Variants in TTI1 observed in about 807,000 individuals in gnomAD.
The protein encoded by TTI1 is TELO2-interacting protein 1 homolog.
A neutral mutation model predicts 85.4 loss-of-function variants in TTI1; 52 were observed. That is an observed-to-expected ratio of 0.61 (90% confidence interval 0.49 to 0.77). The LOEUF is 0.77. Ranked by LOEUF, TTI1 falls within the 30% of genes least tolerant of loss-of-function variation. TTI1 has a pLI of 0.00. For synonymous variants in TTI1, 512 were observed against 503.9 expected (o/e 1.02, Z -0.22); for missense variants, 1,173 against 1,296.0 (o/e 0.91, Z 1.46).
intron 7 of TTI1, 84 bp from the exon 8 acceptor site, chr20:37,983,723 C>T: frequency 8.0e-7 from 1 of 1,251,276 alleles, no homozygotes; most frequent in Non-Finnish European, 1.0e-6. Context: ...AGGCTGTTTA[C>T]CAGGCTATTT....
intron 1 of TTI1, among the ~76,000 whole-genome samples, chr20:38,016,937 G>A (rs552085193): frequency 3.2e-4 from 48 of 152,316 alleles, no homozygotes; most frequent in Non-Finnish European, 6.5e-4. Context: ...GCTTCTGCCT[G>A]TCTTGCCAAC....
intron 4 of TTI1, among the ~76,000 whole-genome samples, chr20:37,999,986 T>G (rs1474532347): frequency 6.6e-6 from 1 of 152,104 alleles, no homozygotes; most frequent in Non-Finnish European, 1.5e-5. Flanking sequence ...AGAAGAGACT[T>G]GAAGGGTGAC....
rs764449671 is a variant in TTI1, at chr20:37,983,148, T to G, written c.*308A>C. On this transcript the variant is annotated 3_prime_UTR_variant, in exon 8 of 8. Transcript: ENST00000373447. ...ATGCAGATGGAGGGGAACTGACCTC[T>G]TGTGTGTGTGTGTGTGTGGCCTGTG... The G allele has an allele frequency of 2.7e-5, 7 of 256,628 alleles. No individual in the cohort carries two copies. The highest frequency in any genetic ancestry group is 9.3e-5 in the African/African-American group (4 of 42,960). 15.9% of individuals were successfully genotyped at this position (256,628 alleles called of 1,614,324 possible).
intron 7 of TTI1, among the ~76,000 whole-genome samples, chr20:37,990,607 C>T (rs1433724960): frequency 6.6e-6 from 1 of 152,192 alleles, no homozygotes; most frequent in Non-Finnish European, 1.5e-5. Context: ...GAGATCATCT[C>T]CCTGGCTACT....
chr20:38,021,719 C>T lies in TTI1; in HGVS notation c.-41-7862G>A, dbSNP rs572806492. ...GCACTGGAGAGGTGGGAGATGAGATCTGTGATTGGACAGCATGAATGAACT... is the reference window on the plus strand; with the variant it reads ...GCACTGGAGAGGTGGGAGATGAGATTTGTGATTGGACAGCATGAATGAACT... On this transcript the variant is annotated intron_variant, in intron 1 of 7. Coordinates refer to ENST00000373447, the MANE Select transcript of TTI1 (RefSeq NM_001303457.2). 5.9e-5 allele frequency among the ~76,000 whole-genome samples: 9 copies of T among 152,294 alleles called. No homozygotes were observed. The South Asian group carries it at 1.7e-3, about 28-fold the overall frequency.
At chr20:38,020,028 T>C (rs1308382638) in intron 1 of TTI1, among the ~76,000 whole-genome samples, 2 of 151,954 alleles carry the variant, frequency 1.3e-5, no homozygotes, top group African/African-American at 2.4e-5. Flanking sequence ...CTAAAACTGA[T>C]AGAGAAATGC....
rs2073493271 is a variant in TTI1 at position 38,006,072 on chromosome 20, T to C, written c.2503+125A>G. 3 of 1,082,572 alleles carry C rather than the reference T, an allele frequency of 2.8e-6. No individual in the cohort carries two copies. The South Asian group carries it at 4.5e-5, about 16-fold the overall frequency. The allele number at this position is 1,082,572 out of a possible 1,614,324, so 67.1% of individuals were successfully genotyped here. ...ATTACACAAAACAGGAGAATAGCTA[T>C]GTTAGCCTGGTAAGGTTATGAGTAA... On this transcript the variant is annotated intron_variant, in intron 3 of 7. Coordinates refer to ENST00000373447, the MANE Select transcript of TTI1 (RefSeq NM_001303457.2).
intron 5 of TTI1, among the ~76,000 whole-genome samples, chr20:37,997,456 T>C (rs1056604641): frequency 6.6e-6 from 1 of 152,216 alleles, no homozygotes; most frequent in Non-Finnish European, 1.5e-5. Flanking sequence ...GCAGGGTCCC[T>C]GAAGTTGCAG....
intron 7 of TTI1, among the ~76,000 whole-genome samples, chr20:37,991,433 G>C (rs1232684925): frequency 6.6e-6 from 1 of 152,224 alleles, no homozygotes; most frequent in Non-Finnish European, 1.5e-5. Context: ...GGGATGAAAT[G>C]AATGAGCCTG....
intron 4 of TTI1, 85 bp downstream of exon 4, chr20:38,002,543 C>T (rs1051468334): frequency 5.2e-6 from 8 of 1,543,998 alleles, no homozygotes; most frequent in African/African-American, 2.7e-5. Context: ...AGGGGAGCTA[C>T]GTGCTCATCC....
In TTI1 at chr20:38,020,321, A is replaced by AT. The variant is rs1443587921; in HGVS notation, c.-41-6465_-41-6464insA. Among the ~76,000 whole-genome samples the AT allele has an allele frequency of 3.5e-3, 149 of 42,668 alleles. 1 individual carries two copies. The highest frequency in any genetic ancestry group is 0.012 in the African/African-American group (95 of 7,868). The allele number at this position is 42,668 out of a possible 152,430, so 28.0% of individuals were successfully genotyped here. A position where few individuals can be genotyped will look rare whatever the true frequency, so the allele number is the denominator to read the frequency against. ...TTGGCTACTCATATGAAAAAAAAAA[A>AT]AAATATATATATATATATATATATA... On this transcript the variant is annotated intron_variant, in intron 1 of 7. Transcript: ENST00000373447.
chr20:37,991,461 C>A (rs1328530834), intron 7 of TTI1, among the ~76,000 whole-genome samples: 1 of 152,186 alleles, frequency 6.6e-6, no homozygotes, highest in African/African-American at 2.4e-5. Context: ...CTGTGTTCGT[C>A]CAGGGTTTGA....
intron 7 of TTI1, among the ~76,000 whole-genome samples, chr20:37,985,848 T>C (rs2073183827): frequency 6.6e-6 from 1 of 152,176 alleles, no homozygotes. Flanking sequence ...TCCTGGCCTG[T>C]TCTGTGCCCA....
chr20:37,997,369 A>G (rs1253277797), intron 5 of TTI1, among the ~76,000 whole-genome samples: 1 of 152,132 alleles, frequency 6.6e-6, no homozygotes, highest in Non-Finnish European at 1.5e-5. Flanking sequence ...GCAAACACAA[A>G]TACTATGGTC....
chr20:38,003,538 AG>A (rs2073454843), intron 3 of TTI1, among the ~76,000 whole-genome samples: 1 of 152,162 alleles, frequency 6.6e-6, no homozygotes, highest in Non-Finnish European at 1.5e-5. Context: ...GGATCACCTG[AG>A]GTCAGCAGTT....
At chr20:37,996,264 TG>T in intron 7 of TTI1, 110 bp downstream of exon 7, 3 of 1,111,346 alleles carry the variant, frequency 2.7e-6, no homozygotes, top group Non-Finnish European at 4.0e-6. Context: ...TATCTTAACC[TG>T]GCAGGGTGAC....
chr20:38,005,138 T>C (rs2073477818), intron 3 of TTI1, among the ~76,000 whole-genome samples: 1 of 151,602 alleles, frequency 6.6e-6, no homozygotes, highest in Non-Finnish European at 1.5e-5. Context: ...AATCTCACAG[T>C]GGAGATCACC....
At chr20:38,001,489 G>A (rs1049757354) in intron 4 of TTI1, among the ~76,000 whole-genome samples, 3 of 152,214 alleles carry the variant, frequency 2.0e-5, no homozygotes, top group African/African-American at 7.2e-5. Context: ...TATGTTGAAT[G>A]TATCAGCCAG....
intron 7 of TTI1, among the ~76,000 whole-genome samples, chr20:37,990,555 A>G (rs2073248638): frequency 6.6e-6 from 1 of 152,244 alleles, no homozygotes; most frequent in East Asian, 1.9e-4. Flanking sequence ...TAAGAGACCC[A>G]ATAAAAATCT....
Sources: gnomAD v4.1 joint callset for allele counts (sites outside exome capture counted in the v4.1 genomes callset) on GRCh38, gnomAD v4.1.1 for gene constraint, MANE v1.5 for transcripts, NCBI Gene and HGNC (gene_info 2026-07-23, HGNC 2026-07-21) for gene names.